FRY: variants seen among roughly 807,000 people sequenced by gnomAD.
FRY encodes FRY microtubule binding protein, also known as protein furry homolog.
In FRY, 128 loss-of-function variants were observed where a neutral mutation model predicts 348.4. That is an observed-to-expected ratio of 0.37 (90% CI 0.32 to 0.43). The LOEUF is 0.43. FRY is among the 20% of genes least tolerant of loss of function. The pLI is 1.00. For missense variants in FRY, 2,736 were observed against 3,695.2 expected (o/e 0.74, Z 6.73); for synonymous variants, 1,370 against 1,374.7 (o/e 1.00, Z 0.08).
chr13:32,233,287 C>T (rs1051952840), intron 41 of FRY, among the ~76,000 whole-genome samples: 3 of 152,172 alleles, frequency 2.0e-5, no homozygotes, highest in African/African-American at 7.2e-5. Flanking sequence ...CATGTAGCAG[C>T]CAAATGTGCT....
At chr13:32,068,019 C>T (rs745821695) in intron 1 of FRY, among the ~76,000 whole-genome samples, 23 of 152,128 alleles carry the variant, frequency 1.5e-4, no homozygotes, top group Admixed American at 2.6e-4. Context: ...GAAATGCAGA[C>T]TCTCCAGTCT....
At position 32,276,513 on chromosome 13, in the gene FRY, T is replaced by G; in HGVS notation, c.8336T>G (p.Leu2779Arg). Residue 2779 changes from leucine (L) to arginine (R), a missense_variant, in exon 57 of 61, where the codon CTG becomes CGG. Leu to Arg is a moderately radical substitution (Grantham distance 102, BLOSUM62 -2). This residue lies in a region of FRY where 789 missense variants were observed against 996.2 expected (regional missense o/e 0.79). Coordinates refer to ENST00000542859, the MANE Select transcript of FRY (RefSeq NM_023037.3). ...AAGCTCAAGTTCAGTGTGTTAGAAC[T>G]GCAAGAATATTTGGATACCTACAAC... ...LDKLKFSVLE[L>R]QEYLDTYNNR... 6.2e-7 allele frequency: 1 copy of G among 1,607,648 alleles called. No individual in the cohort carries two copies. The highest frequency in any genetic ancestry group is 8.5e-7 in the Non-Finnish European group (1 of 1,174,072).
At chr13:32,227,454 C>G (rs1593769811) in intron 39 of FRY, among the ~76,000 whole-genome samples, 2 of 152,246 alleles carry the variant, frequency 1.3e-5, no homozygotes, top group African/African-American at 4.8e-5. Context: ...ATCTATCAGA[C>G]ACACACCAGC....
rs1052518329 is a variant in FRY at position 32,295,506 on chromosome 13, A to G, written c.*46A>G. 1.3e-6 allele frequency: 2 copies of G among 1,580,226 alleles called. No individual in the cohort carries two copies. On this transcript the variant is annotated 3_prime_UTR_variant, in exon 61 of 61. Transcript: ENST00000542859. ...TGGGTTCCAAACTGGCAGTGCTGCC[A>G]TGCTGGGGCAACGTCATTCAGTGTC...
Position 32,124,782 on chromosome 13 carries a change from A to G in FRY, c.636-13A>G, listed in dbSNP as rs1314169610. On this transcript the variant is annotated splice_polypyrimidine_tract_variant and intron_variant, in intron 6 of 60. Transcript: ENST00000542859. The stretch of plus-strand genomic sequence containing the variant: ...CCAGGGATCCCTAACTTGTCTAATT[A>G]TACCCTACTTAGGTACCTTGGTCCC... The G allele has an allele frequency of 3.8e-6, 6 of 1,597,332 alleles. No individual in the cohort carries two copies. The highest frequency in any genetic ancestry group is 1.3e-5 in the African/African-American group (1 of 74,616).
chr13:32,292,471 A>G (rs560481293), intron 59 of FRY, among the ~76,000 whole-genome samples: 97 of 152,242 alleles, frequency 6.4e-4, no homozygotes, highest in Middle Eastern at 6.8e-3. Context: ...CTACAGAGAA[A>G]TATTTCATGA....
intron 2 of FRY, among the ~76,000 whole-genome samples, chr13:32,087,672 C>G (rs907442776): frequency 6.6e-6 from 1 of 152,146 alleles, no homozygotes; most frequent in Admixed American, 6.5e-5. Flanking sequence ...GAGGTTTTTT[C>G]ACCTCTGGGC....
At chr13:32,262,611 A>G (rs548139428) in intron 53 of FRY, 136 bp downstream of exon 53, 1 of 739,288 alleles carries the variant, frequency 1.4e-6, no homozygotes, top group Admixed American at 2.4e-5. Flanking sequence ...TCTTTTTTAA[A>G]ATAATAGAAG....
At chr13:32,040,316 T>C (rs1292111886) in intron 1 of FRY, among the ~76,000 whole-genome samples, 1 of 152,230 alleles carries the variant, frequency 6.6e-6, no homozygotes, top group Admixed American at 6.5e-5. Context: ...GTTATTTTTC[T>C]GTGTGTGACC....
At chr13:32,032,570 A>G (rs1435076963) in intron 1 of FRY, among the ~76,000 whole-genome samples, 2 of 152,194 alleles carry the variant, frequency 1.3e-5, no homozygotes, top group Admixed American at 6.5e-5. Context: ...GCAGAATATG[A>G]TGGCTCCTGA....
intron 2 of FRY, among the ~76,000 whole-genome samples, chr13:32,089,531 G>A (rs1258100627): frequency 6.6e-6 from 1 of 152,102 alleles, no homozygotes; most frequent in African/African-American, 2.4e-5. Flanking sequence ...GGGAGGCTGA[G>A]GTGGGAAAAT....
chr13:32,047,583 G>C (rs1208225), intron 1 of FRY, among the ~76,000 whole-genome samples: 3,617 of 148,236 alleles, frequency 0.024, 155 homozygotes, highest in African/African-American at 0.086. Context: ...TTTTTTTTTG[G>C]GGGGGGTGCA....
intron 8 of FRY, among the ~76,000 whole-genome samples, chr13:32,132,451 G>A (rs1193227968): frequency 1.3e-5 from 2 of 152,052 alleles, no homozygotes; most frequent in African/African-American, 2.4e-5. Context: ...TTAGATGTAT[G>A]GATTATGAAT....
At position 32,297,700 on chromosome 13, in the gene FRY, C is replaced by T. The variant is rs2072085440; in HGVS notation, c.*2240C>T. On this transcript the variant is annotated 3_prime_UTR_variant, in exon 61 of 61. Transcript: ENST00000542859. ...AAATTGTGTAGGATGCAGCCCCACG[C>T]CAGCAGAGCCCAGCAATAACTTTAG... is the stretch of plus-strand genomic sequence containing the variant. 1 of 152,188 alleles carries T rather than the reference C, an allele frequency of 6.6e-6. No homozygotes were observed. The highest frequency in any genetic ancestry group is 2.4e-5 in the African/African-American group (1 of 41,444). 9.4% of individuals were successfully genotyped at this position (152,188 alleles called of 1,614,324 possible). A position where few individuals can be genotyped will look rare whatever the true frequency, so the allele number is the denominator to read the frequency against.
In FRY at chr13:32,237,919, C is replaced by T. The variant is rs745883974; in HGVS notation, c.6351C>T (p.Thr2117=). The change falls in exon 44 of 61, where the codon ACC becomes ACT. Residue 2117 remains threonine (T), a synonymous_variant. Coordinates refer to ENST00000542859, the MANE Select transcript of FRY (RefSeq NM_023037.3). The surrounding 1 kb of genome is among the most constrained non-coding windows in gnomAD (Gnocchi z 6.3). ...CATCCCTCACCACCACAGACCTGAC[C>T]CTGCAGCTCTTCAGTCTGCTGACAC... The part of the protein sequence containing the change: ...GFTSLTTTDL[T]LQLFSLLTPV... The T allele has an allele frequency of 6.2e-7, 1 of 1,614,036 alleles. No individual in the cohort carries two copies. Among genetic ancestry groups the T allele is most frequent in the Non-Finnish European group, 8.5e-7 (1 of 1,179,918 alleles).
At chr13:32,116,957 T>A (rs1878338862) in intron 3 of FRY, among the ~76,000 whole-genome samples, 1 of 152,210 alleles carries the variant, frequency 6.6e-6, no homozygotes, top group African/African-American at 2.4e-5. Flanking sequence ...TTAATGTAAC[T>A]GTATTCATAT....
chr13:32,210,836 A>G, intron 33 of FRY, 30 bp from the exon 34 acceptor site: 1 of 1,603,800 alleles, frequency 6.2e-7, no homozygotes. Flanking sequence ...GCTCTGTGAA[A>G]CATCCCTTGT....
intron 29 of FRY, among the ~76,000 whole-genome samples, chr13:32,198,321 TAGATTCCAGTGTCAGA>T (rs1439144721): frequency 1.3e-5 from 2 of 152,178 alleles, no homozygotes; most frequent in African/African-American, 4.8e-5. Flanking sequence ...GTATTAATGT[TAGATTCCAGTGTCAGA>T]AGACAGAGAC....
chr13:32,034,218 C>T (rs191010992), intron 1 of FRY, among the ~76,000 whole-genome samples: 1 of 152,276 alleles, frequency 6.6e-6, no homozygotes, highest in East Asian at 1.9e-4. Context: ...GGCTGTTTTG[C>T]AAGGTGTTAG....
Sources: gnomAD v4.1 joint callset for allele counts (sites outside exome capture counted in the v4.1 genomes callset) on GRCh38, gnomAD v4.1.1 for gene constraint, gnomAD v4.1.1 regional missense constraint, Gnocchi (gnomAD v3.1) non-coding constraint, MANE v1.5 for transcripts, NCBI Gene and HGNC (gene_info 2026-07-23, HGNC 2026-07-21) for gene names.